CLEC2A: variants seen among roughly 807,000 people sequenced by gnomAD.
The protein encoded by CLEC2A is C-type lectin domain family 2 member A.
In CLEC2A, 19 loss-of-function variants were observed where a neutral mutation model predicts 18.6. That is an observed-to-expected ratio of 1.02 (90% CI 0.71 to 1.50). The LOEUF (loss-of-function observed/expected upper bound fraction) is 1.50, where lower values mean the gene tolerates loss of function less well. CLEC2A is among the 40% of genes most tolerant of loss of function. The pLI, the probability that CLEC2A is intolerant of heterozygous loss-of-function variation, is 0.00. For missense variants in CLEC2A, 190 were observed against 207.9 expected (o/e 0.91, Z 0.53); for synonymous variants, 74 against 64.0 (o/e 1.16, Z -0.75).
chr12:9,911,065 G>C (rs913342084), downstream of CLEC2A, among the ~76,000 whole-genome samples: 1 of 152,144 alleles, frequency 6.6e-6, no homozygotes, highest in South Asian at 2.1e-4. Flanking sequence ...TTCCTAACAC[G>C]GTCCCTGCTT....
At chr12:9,929,759 G>A (rs1032807831) in intron 1 of CLEC2A, among the ~76,000 whole-genome samples, 3 of 151,876 alleles carry the variant, frequency 2.0e-5, no homozygotes, top group Non-Finnish European at 2.9e-5. Context: ...CTATTAAATC[G>A]GGGTAAATTT....
chr12:9,895,857 C>T (rs772738765), downstream of CLEC2A: 31 of 1,506,144 alleles, frequency 2.1e-5, no homozygotes, highest in Non-Finnish European at 2.4e-5. Context: ...CATAGAAATA[C>T]TTTGCATGTT....
chr12:9,930,581 T>G (rs2137060340), intron 1 of CLEC2A, among the ~76,000 whole-genome samples: 1 of 152,220 alleles, frequency 6.6e-6, no homozygotes, highest in South Asian at 2.1e-4. Context: ...TTTTTAATTT[T>G]GTATATTTTT....
the CLEC2A span, among the ~76,000 whole-genome samples, chr12:9,885,913 A>G: frequency 2.4e-4 from 37 of 152,192 alleles, no homozygotes; most frequent in African/African-American, 8.2e-4. Context: ...AATTCTAAGA[A>G]GTTGAATCCA....
chr12:9,910,832 A>C (rs999849049), downstream of CLEC2A, among the ~76,000 whole-genome samples: 8 of 151,978 alleles, frequency 5.3e-5, no homozygotes, highest in Non-Finnish European at 1.2e-4. Flanking sequence ...GCAACGAGAG[A>C]GTGTGACGCA....
At chr12:9,898,240 A>G (rs996839755), downstream of CLEC2A, among the ~76,000 whole-genome samples, 5 of 152,202 alleles carry the variant, frequency 3.3e-5, no homozygotes, top group African/African-American at 1.2e-4. Flanking sequence ...TTTTTTGAAT[A>G]AACATAGAAA....
chr12:9,884,429 A>G, the CLEC2A span, among the ~76,000 whole-genome samples: 1 of 151,720 alleles, frequency 6.6e-6, no homozygotes, highest in Admixed American at 6.6e-5. Flanking sequence ...AGTGACTGGT[A>G]TATAATAGAA....
At chr12:9,879,179 C>CA in the CLEC2A span, among the ~76,000 whole-genome samples, 1 of 151,844 alleles carries the variant, frequency 6.6e-6, no homozygotes, top group Non-Finnish European at 1.5e-5. Context: ...GAAAAACAAA[C>CA]AAAAAAGGAT....
downstream of CLEC2A, among the ~76,000 whole-genome samples, chr12:9,895,068 G>A (rs145600406): frequency 1.7e-4 from 26 of 152,204 alleles, no homozygotes; most frequent in East Asian, 3.7e-3. Context: ...TATACATTGC[G>A]CATCATCCTA....
chr12:9,902,881 T>A (rs372615306), intron 4 of CLEC2A, among the ~76,000 whole-genome samples: 1 of 152,112 alleles, frequency 6.6e-6, no homozygotes, highest in Non-Finnish European at 1.5e-5. Flanking sequence ...TTAGTCCCAG[T>A]TGGCTAAACA....
At chr12:9,895,853 A>G (rs1018290956), downstream of CLEC2A, 1 of 1,510,660 alleles carries the variant, frequency 6.6e-7, no homozygotes, top group Non-Finnish European at 8.8e-7. Context: ...CAAACATAGA[A>G]ATACTTTGCA....
At chr12:9,881,676 T>A in the CLEC2A span, 1 of 1,527,268 alleles carries the variant, frequency 6.5e-7, no homozygotes, top group Non-Finnish European at 8.8e-7. Flanking sequence ...GTAGGAATAC[T>A]GCTCCCCATC....
chr12:9,893,383 ATT>A, the CLEC2A span: 209 of 1,020,178 alleles, frequency 2.0e-4, no homozygotes, highest in African/African-American at 3.2e-3. Context: ...AGGCATCAAA[ATT>A]TTTTTAAACA....
the CLEC2A span, among the ~76,000 whole-genome samples, chr12:9,883,597 G>A: frequency 6.6e-6 from 1 of 152,150 alleles, no homozygotes; most frequent in East Asian, 1.9e-4. Flanking sequence ...ACCCTTGATT[G>A]ATATTTTCTC....
Position 9,923,474 on chromosome 12 carries a change from T to C in CLEC2A, c.140-1242A>G, listed in dbSNP as rs1254667728. ...GAGAAATAGGAATACTTTTACACTG[T>C]TGGTGGGACTGTAAACTAGTTCAAC... On this transcript the variant is annotated intron_variant, in intron 2 of 4. Transcript: ENST00000455827. Among the ~76,000 whole-genome samples, 3 of 152,108 alleles carry C rather than the reference T, an allele frequency of 2.0e-5. No individual in the cohort carries two copies. In the East Asian group the frequency reaches 5.8e-4, roughly 29 times the overall value.
chr12:9,888,517 A>T, the CLEC2A span, among the ~76,000 whole-genome samples: 3 of 152,010 alleles, frequency 2.0e-5, no homozygotes, highest in African/African-American at 4.8e-5. Flanking sequence ...AATAAAAATT[A>T]AAAAATAGAA....
At chr12:9,884,999 T>C in the CLEC2A span, 11 of 1,328,576 alleles carry the variant, frequency 8.3e-6, no homozygotes, top group Admixed American at 3.1e-5. Flanking sequence ...GATCCTTATA[T>C]TCATTATGAC....
downstream of CLEC2A, among the ~76,000 whole-genome samples, chr12:9,912,700 A>G (rs1863005534): frequency 6.7e-6 from 1 of 150,180 alleles, no homozygotes; most frequent in Non-Finnish European, 1.5e-5. Context: ...ATGCTCTGCT[A>G]GAGCACTTCC....
In CLEC2A at chr12:9,913,572, A is replaced by C. The variant is rs1247382148; in HGVS notation, c.519T>G (p.Phe173Leu). 10 of 1,544,648 alleles carry C rather than the reference A, an allele frequency of 6.5e-6. No homozygotes were observed. The highest frequency in any genetic ancestry group is 2.6e-6 in the Non-Finnish European group (3 of 1,145,524). Residue 173 changes from phenylalanine (F) to leucine (L), a missense_variant, in exon 5 of 5, where the codon TTT becomes TTG. Phe to Leu is a conservative substitution (Grantham distance 22, BLOSUM62 0). Transcript: ENST00000455827. ...IKWICSKPKY[F>L]L ...TTTTCAAGTTTTTTCTGCTCTATAAAAAATATTTAGGTTTGCTGCAAATCC... is the reference window on the plus strand; with the variant it reads ...TTTTCAAGTTTTTTCTGCTCTATAACAAATATTTAGGTTTGCTGCAAATCC...
Sources: gnomAD v4.1 joint callset for allele counts (sites outside exome capture counted in the v4.1 genomes callset) on GRCh38, gnomAD v4.1.1 for gene constraint, MANE v1.5 for transcripts, NCBI Gene and HGNC (gene_info 2026-07-23, HGNC 2026-07-21) for gene names.